The following ASCC2 variants were observed in gnomAD, a reference collection of about 807,000 sequenced individuals.
The protein encoded by ASCC2 is activating signal cointegrator 1 complex subunit 2.
Under a neutral mutation model 93.5 loss-of-function variants are expected in ASCC2, and 42 were observed. The observed-to-expected ratio is 0.45, with a 90% confidence interval of 0.35 to 0.58. The LOEUF is 0.58. Among genes scored for constraint, ASCC2 ranks in the 20% least tolerant of loss-of-function variants. The pLI is 0.00. For synonymous variants in ASCC2, 364 were observed against 384.2 expected, an observed-to-expected ratio of 0.95 and a Z score of 0.62; for missense variants, 859 against 977.6, an observed-to-expected ratio of 0.88 and a Z score of 1.62.
At chr22:29,819,882 C>T (rs1395533105) in intron 5 of ASCC2, among the ~76,000 whole-genome samples, 2 of 152,076 alleles carry the variant, frequency 1.3e-5, no homozygotes, top group African/African-American at 2.4e-5. Context: ...GTCTAAGAGA[C>T]AGGATCTCAC....
chr22:29,811,381 G>A (rs574851790), intron 8 of ASCC2, among the ~76,000 whole-genome samples: 1 of 152,316 alleles, frequency 6.6e-6, no homozygotes, highest in Admixed American at 6.5e-5. Context: ...ACTTTCCAGT[G>A]TGTATTTTAT....
chr22:29,798,948 T>A (rs1284325897), intron 15 of ASCC2, among the ~76,000 whole-genome samples: 1 of 152,204 alleles, frequency 6.6e-6, no homozygotes, highest in Non-Finnish European at 1.5e-5. Flanking sequence ...GCACAGTGAG[T>A]CTCTCTGCGT....
chr22:29,792,256 T>G (rs5752962), intron 18 of ASCC2, among the ~76,000 whole-genome samples, 177 bp downstream of exon 18: 84,853 of 151,812 alleles, frequency 0.56, 24,427 homozygotes, highest in African/African-American at 0.68. Context: ...CAGCAGAAGT[T>G]AGTTCTAAGC....
At chr22:29,837,127 C>G (rs1428518421) in intron 1 of ASCC2, among the ~76,000 whole-genome samples, 1 of 152,090 alleles carries the variant, frequency 6.6e-6, no homozygotes, top group East Asian at 1.9e-4. Flanking sequence ...GTCTAAAGCA[C>G]GGGTACAAAT....
chr22:29,823,258 C>T (rs1193205804), intron 4 of ASCC2, among the ~76,000 whole-genome samples: 3 of 152,008 alleles, frequency 2.0e-5, no homozygotes, highest in African/African-American at 7.3e-5. Context: ...ACGCTGGTCT[C>T]GAACTCCTGA....
At chr22:29,827,516 A>G in intron 2 of ASCC2, 1 of 465,792 alleles carries the variant, frequency 2.1e-6, no homozygotes, top group Non-Finnish European at 4.5e-6. Context: ...TACCACAAGG[A>G]TTCTTCAAGG....
chr22:29,816,497 A>T (rs1294944191), intron 5 of ASCC2, among the ~76,000 whole-genome samples: 1 of 152,204 alleles, frequency 6.6e-6, no homozygotes, highest in Non-Finnish European at 1.5e-5. Context: ...ACATGGATGC[A>T]ATAATCCAGG....
Position 29,806,673 on chromosome 22 carries a change from G to C in ASCC2, c.1017-120C>G, listed in dbSNP as rs2059707903. 6 of 1,420,974 alleles carry C rather than the reference G, an allele frequency of 4.2e-6. No homozygotes were observed. The South Asian group carries it at 6.0e-5, about 14-fold the overall frequency. 88.0% of individuals were successfully genotyped at this position (1,420,974 alleles called of 1,614,324 possible). On this transcript the variant is annotated intron_variant, in intron 10 of 19. Transcript: ENST00000307790. ...AGTGGAGGAATGAGGCATTTTTCTT[G>C]GTTTCTCATCTCTGTTCAGCCAACC... is the stretch of plus-strand genomic sequence containing the variant.
At chr22:29,813,300 G>A (rs1602026474) in intron 8 of ASCC2, 130 bp downstream of exon 8, 1 of 678,320 alleles carries the variant, frequency 1.5e-6, no homozygotes, top group East Asian at 2.7e-5. Context: ...TTTCACTGCT[G>A]CATCCCCAGG....
At chr22:29,818,403 TACACAC>T (rs35685093) in intron 5 of ASCC2, among the ~76,000 whole-genome samples, 1,371 of 107,408 alleles carry the variant, frequency 0.013, 23 homozygotes, top group Middle Eastern at 0.028. Flanking sequence ...ACTCCCTGCC[TACACAC>T]ACACACACAC....
At chr22:29,803,904 G>T (rs2059384238) in intron 13 of ASCC2, among the ~76,000 whole-genome samples, 1 of 152,208 alleles carries the variant, frequency 6.6e-6, no homozygotes. Context: ...CAGGCTCAGG[G>T]TATTCCATGT....
chr22:29,833,947 G>C (rs1232882852), intron 1 of ASCC2: 3 of 179,626 alleles, frequency 1.7e-5, no homozygotes, highest in South Asian at 1.9e-4. Context: ...AAACTCCCAA[G>C]CTCAAGCAAT....
chr22:29,815,567 T>A (rs1403286488), intron 6 of ASCC2, among the ~76,000 whole-genome samples: 3 of 152,222 alleles, frequency 2.0e-5, no homozygotes, highest in African/African-American at 7.2e-5. Flanking sequence ...GAACAGTAGA[T>A]ATCTCTTGGT....
At position 29,814,674 on chromosome 22, in the gene ASCC2, T is replaced by C. The variant is rs1406212559; in HGVS notation, c.703A>G (p.Ser235Gly). 6.2e-7 allele frequency: 1 copy of C among 1,603,266 alleles called. No individual in the cohort carries two copies. The highest frequency in any genetic ancestry group is 8.5e-7 in the Non-Finnish European group (1 of 1,175,980). The change falls in exon 7 of 20, where the codon AGT becomes GGT. Residue 235 changes from serine (S) to glycine (G), a missense_variant. By Grantham distance (56) the Ser-to-Gly change is moderately conservative (BLOSUM62 0). Coordinates refer to ENST00000307790, the MANE Select transcript of ASCC2 (RefSeq NM_032204.5). ...KLEERGRLTP[S>G]DMPLLELKDI... is the part of the protein sequence containing the mutation. ...AACCTTACCAGGAGAGGCATGTCAC[T>C]GGGGGTCAATCGGCCCCTCTCCTCA...
At chr22:29,795,722 T>G (rs187010663) in intron 15 of ASCC2, among the ~76,000 whole-genome samples, 1 of 152,332 alleles carries the variant, frequency 6.6e-6, no homozygotes, top group Non-Finnish European at 1.5e-5. Context: ...ACAAGTGAGC[T>G]GCAGCACAGC....
At chr22:29,824,372 TG>T (rs1426391042) in intron 4 of ASCC2, among the ~76,000 whole-genome samples, 6 of 152,030 alleles carry the variant, frequency 3.9e-5, no homozygotes, top group African/African-American at 1.2e-4. Context: ...TCCAGCACTT[TG>T]GGAGCCTGAG....
chr22:29,816,237 G>A (rs139938421), intron 5 of ASCC2, among the ~76,000 whole-genome samples, 164 bp from the exon 6 acceptor site: 1 of 152,318 alleles, frequency 6.6e-6, no homozygotes, highest in Non-Finnish European at 1.5e-5. Flanking sequence ...GGCCCTGCTG[G>A]CACTGAGCTT....
chr22:29,801,916 G>A, intron 14 of ASCC2, 78 bp downstream of exon 14: 1 of 1,211,726 alleles, frequency 8.3e-7, no homozygotes, highest in Non-Finnish European at 1.2e-6. Flanking sequence ...GGCCATGAAT[G>A]AGGGAAGGAA....
chr22:29,790,131 T>A (rs1437044754), intron 19 of ASCC2, among the ~76,000 whole-genome samples: 9 of 152,198 alleles, frequency 5.9e-5, no homozygotes, highest in Non-Finnish European at 8.8e-5. Context: ...CTGCCTGATA[T>A]CAGCTAGCCC....
Sources: allele counts gnomAD v4.1 joint callset (sites outside exome capture counted in the v4.1 genomes callset), GRCh38; gene constraint gnomAD v4.1.1; transcripts MANE v1.5; gene names NCBI Gene and HGNC (gene_info 2026-07-23, HGNC 2026-07-21).